Variants in STRN3 observed in about 807,000 individuals in gnomAD.
STRN3 encodes the protein striatin 3, also known as striatin-3.
A neutral mutation model predicts 95.6 loss-of-function variants in STRN3; 29 were observed. The observed-to-expected ratio is 0.30, with a 90% CI of 0.23 to 0.41. The LOEUF (loss-of-function observed/expected upper bound fraction) is 0.41, where lower values mean the gene tolerates loss of function less well. Among genes scored for constraint, STRN3 ranks in the 10% least tolerant of loss-of-function variants. The pLI is 1.00. For missense variants in STRN3, 890 were observed against 972.1 expected (o/e 0.92, Z 1.12); for synonymous variants, 331 against 357.6 (o/e 0.93, Z 0.84).
At chr14:30,987,147 C>T (rs984652971) in intron 1 of STRN3, among the ~76,000 whole-genome samples, 1 of 152,082 alleles carries the variant, frequency 6.6e-6, no homozygotes, top group Non-Finnish European at 1.5e-5. Context: ...ATATAAAGAA[C>T]AGTAAAACTC....
chr14:30,919,315 T>C (rs1159223921), intron 8 of STRN3, among the ~76,000 whole-genome samples: 9 of 151,504 alleles, frequency 5.9e-5, no homozygotes, highest in East Asian at 5.8e-4. Flanking sequence ...GAGAGAGATA[T>C]ATATAAAGAT....
Position 30,947,384 on chromosome 14 carries a change from C to T in STRN3, c.543-121G>A, listed in dbSNP as rs538531810. ...ATATGCTCTCCCTTTGTCTCAGTATCTTTCTTCTCTACAGACTAGTTCCAG... is the reference window on the plus strand; with the variant it reads ...ATATGCTCTCCCTTTGTCTCAGTATTTTTCTTCTCTACAGACTAGTTCCAG... On this transcript the variant is annotated intron_variant, in intron 4 of 17. Transcript: ENST00000357479. 3 of 743,090 alleles carry T rather than the reference C, an allele frequency of 4.0e-6. No homozygotes were observed. The South Asian group carries it at 7.5e-5, about 19-fold the overall frequency. The allele number at this position is 743,090 out of a possible 1,614,324, so 46.0% of individuals were successfully genotyped here.
chr14:30,935,128 A>T, intron 7 of STRN3, 35 bp downstream of exon 7: 1 of 1,608,604 alleles, frequency 6.2e-7, no homozygotes, highest in East Asian at 2.2e-5. Context: ...TAAGGGCTAG[A>T]TTTCCTCCCA....
At chr14:30,976,775 AAAG>A (rs1418470076) in intron 1 of STRN3, among the ~76,000 whole-genome samples, 1 of 152,384 alleles carries the variant, frequency 6.6e-6, no homozygotes, top group African/African-American at 2.4e-5. Context: ...AACACTGGTC[AAAG>A]AAGTATCAGG....
intron 6 of STRN3, among the ~76,000 whole-genome samples, chr14:30,935,529 T>C (rs1360477809): frequency 6.6e-6 from 1 of 152,226 alleles, no homozygotes; most frequent in African/African-American, 2.4e-5. Flanking sequence ...ATGGTTTAAA[T>C]GCTAATCATC....
At chr14:30,910,879 C>T (rs1338017346) in intron 13 of STRN3, among the ~76,000 whole-genome samples, 162 bp downstream of exon 13, 1 of 152,036 alleles carries the variant, frequency 6.6e-6, no homozygotes. Context: ...CATGGCATGA[C>T]ATTTCCTAAT....
chr14:30,929,954 C>CAAAAAACAAAACAAAAAAAA (rs1555317326), intron 7 of STRN3, among the ~76,000 whole-genome samples: 1 of 39,996 alleles, frequency 2.5e-5, no homozygotes, highest in African/African-American at 1.2e-4. Flanking sequence ...CTAAGATTAG[C>CAAAAAACAAAACAAAAAAAA]AAAAAAAAAA....
Position 31,025,782 on chromosome 14 carries a change from G to A in STRN3, c.282+122C>T, listed in dbSNP as rs78648016. 0.047 allele frequency: 63,612 copies of A among 1,365,960 alleles called. 2,472 individuals carry two copies. Among genetic ancestry groups the A allele is most frequent in the East Asian group, 0.21 (8,324 of 39,388 alleles). 84.6% of individuals were successfully genotyped at this position (1,365,960 alleles called of 1,614,324 possible). ...TGAGAGGACCATCACAACCTGAGCA[G>A]CACAGGTAGGTTCCGCTCGGCCTCC... On this transcript the variant is annotated intron_variant, in intron 1 of 17. Coordinates refer to ENST00000357479, the MANE Select transcript of STRN3 (RefSeq NM_001083893.2).
intron 7 of STRN3, among the ~76,000 whole-genome samples, chr14:30,933,121 A>AC (rs1390182530): frequency 6.6e-6 from 1 of 151,942 alleles, no homozygotes; most frequent in Non-Finnish European, 1.5e-5. Context: ...CAAAAAAAAA[A>AC]AATGCAAAAA....
At chr14:30,982,031 G>A (rs1170446350) in intron 1 of STRN3, among the ~76,000 whole-genome samples, 1 of 146,294 alleles carries the variant, frequency 6.8e-6, no homozygotes, top group Non-Finnish European at 1.5e-5. Flanking sequence ...GGGAGGCAGG[G>A]AGGTTGCAGT....
At chr14:30,957,452 C>CAAAA (rs1307806856) in intron 1 of STRN3, among the ~76,000 whole-genome samples, 1 of 62,586 alleles carries the variant, frequency 1.6e-5, no homozygotes. Flanking sequence ...GACTCCATTT[C>CAAAA]AAAAAAAAAA....
intron 16 of STRN3, among the ~76,000 whole-genome samples, chr14:30,896,329 G>A (rs532487228): frequency 2.0e-5 from 3 of 152,130 alleles, no homozygotes; most frequent in East Asian, 1.9e-4. Flanking sequence ...GCTCAAGATC[G>A]TGTAAACTGG....
At chr14:31,015,440 T>C (rs1347864359) in intron 1 of STRN3, among the ~76,000 whole-genome samples, 1 of 151,966 alleles carries the variant, frequency 6.6e-6, no homozygotes, top group African/African-American at 2.4e-5. Context: ...TGGCACGATC[T>C]AGGCTCACTG....
At chr14:30,912,244 T>G in intron 10 of STRN3, 62 bp from the exon 11 acceptor site, 1 of 1,501,782 alleles carries the variant, frequency 6.7e-7, no homozygotes, top group Non-Finnish European at 9.0e-7. Flanking sequence ...ATGTGGAGTG[T>G]TTGTTCGTTT....
intron 1 of STRN3, among the ~76,000 whole-genome samples, chr14:30,978,554 A>T (rs994103486): frequency 6.6e-6 from 1 of 152,242 alleles, no homozygotes; most frequent in African/African-American, 2.4e-5. Flanking sequence ...AAGACTGGGA[A>T]GAAGGCAAGG....
intron 1 of STRN3, among the ~76,000 whole-genome samples, chr14:30,969,280 A>G (rs1265163291): frequency 6.6e-6 from 1 of 152,158 alleles, no homozygotes; most frequent in East Asian, 1.9e-4. Flanking sequence ...CTAAAAATAT[A>G]AACAAAATTA....
At chr14:30,924,843 T>A (rs1484570486) in intron 8 of STRN3, among the ~76,000 whole-genome samples, 1 of 152,112 alleles carries the variant, frequency 6.6e-6, no homozygotes. Flanking sequence ...AGTGACAGCC[T>A]GTCTCAAAAT....
At chr14:30,981,608 C>CACACACACA (rs1881404718) in intron 1 of STRN3, among the ~76,000 whole-genome samples, 1 of 79,422 alleles carries the variant, frequency 1.3e-5, no homozygotes, top group Admixed American at 1.2e-4. Flanking sequence ...ACACACACAC[C>CACACACACA]CCATAATTCA....
intron 1 of STRN3, among the ~76,000 whole-genome samples, chr14:31,009,185 A>G (rs1028284618): frequency 6.6e-6 from 1 of 152,164 alleles, no homozygotes; most frequent in African/African-American, 2.4e-5. Flanking sequence ...ACAATTATTG[A>G]CTGCAACAAT....
Sources: gnomAD v4.1 joint callset for allele counts (sites outside exome capture counted in the v4.1 genomes callset) on GRCh38, gnomAD v4.1.1 for gene constraint, MANE v1.5 for transcripts, NCBI Gene and HGNC (gene_info 2026-07-23, HGNC 2026-07-21) for gene names.